DLGAP1: variants seen among roughly 807,000 people sequenced by gnomAD.
DLGAP1 encodes the protein DLG associated protein 1, also known as disks large-associated protein 1.
In DLGAP1, 11 loss-of-function variants were observed where a neutral mutation model predicts 90.8. That is an observed-to-expected ratio of 0.12 (90% CI 0.08 to 0.20). The LOEUF (loss-of-function observed/expected upper bound fraction) is 0.20. DLGAP1 is among the 10% of genes least tolerant of loss of function. The probability of loss-of-function intolerance (pLI) is 1.00; values close to 1 mark genes in which losing one functional copy is unlikely to be tolerated. For synonymous variants in DLGAP1, 558 were observed against 540.7 expected (o/e 1.03, Z -0.44); for missense variants, 1,050 against 1,333.8 (o/e 0.79, Z 3.31).
chr18:3,600,584 G>C (rs2056835986), intron 7 of DLGAP1, among the ~76,000 whole-genome samples: 1 of 150,626 alleles, frequency 6.6e-6, no homozygotes, highest in African/African-American at 2.5e-5. Flanking sequence ...TAAGGGCCCT[G>C]GTAGGGGATT....
At chr18:4,088,069 A>C (rs2075713250) in intron 2 of DLGAP1, among the ~76,000 whole-genome samples, 1 of 142,696 alleles carries the variant, frequency 7.0e-6, no homozygotes, top group African/African-American at 2.6e-5. Context: ...TCTCTTGTTT[A>C]TGTTTCTTAA....
intron 4 of DLGAP1, among the ~76,000 whole-genome samples, chr18:3,855,014 A>C (rs1167462846): frequency 6.6e-6 from 1 of 152,248 alleles, no homozygotes; most frequent in Non-Finnish European, 1.5e-5. Context: ...CAATATTCAC[A>C]ATAGCAAAGT....
At chr18:4,097,070 T>A (rs570914539) in intron 2 of DLGAP1, among the ~76,000 whole-genome samples, 1 of 152,366 alleles carries the variant, frequency 6.6e-6, no homozygotes, top group Admixed American at 6.5e-5. Context: ...GATTAATCTT[T>A]CTGCAGCACA....
In DLGAP1 at chr18:4,440,032, C is replaced by T. The variant is rs557586140; in HGVS notation, c.-267+14974G>A. 4.1e-5 allele frequency among the ~76,000 whole-genome samples: 6 copies of T among 144,584 alleles called. No individual in the cohort carries two copies. In the South Asian group the frequency reaches 1.3e-3, roughly 32 times the overall value. 94.9% of individuals were successfully genotyped at this position (144,584 alleles called of 152,430 possible). A position where few individuals can be genotyped will look rare whatever the true frequency, so the allele number is the denominator to read the frequency against. On this transcript the variant is annotated intron_variant, in intron 1 of 12. Coordinates refer to ENST00000315677, the MANE Select transcript of DLGAP1 (RefSeq NM_004746.4). ...CTACTCGGGAGGCTGAGGCAGGAGACTGGCGTGAACCCGGGAGGCAGAGCT... is the reference window on the plus strand; with the variant it reads ...CTACTCGGGAGGCTGAGGCAGGAGATTGGCGTGAACCCGGGAGGCAGAGCT...
chr18:4,078,208 T>C (rs1188102286), intron 2 of DLGAP1, among the ~76,000 whole-genome samples: 1 of 152,218 alleles, frequency 6.6e-6, no homozygotes, highest in Admixed American at 6.5e-5. Flanking sequence ...AGAAAGATTA[T>C]TCTGTACAAC....
chr18:3,937,720 G>A (rs1488652314), intron 3 of DLGAP1, among the ~76,000 whole-genome samples: 1 of 152,154 alleles, frequency 6.6e-6, no homozygotes, highest in East Asian at 1.9e-4. Context: ...AGCTTATGCT[G>A]TTTCCTTATA....
chr18:3,820,613 T>C lies in DLGAP1; in HGVS notation c.958-6340A>G, dbSNP rs150857804. On this transcript the variant is annotated intron_variant, in intron 4 of 12. Transcript: ENST00000315677. ...CTTGGCAGTGACTTAGGGATCAACCTGTTTGACTTTCCTGTGCTTGAAAAG... is the reference window on the plus strand; with the variant it reads ...CTTGGCAGTGACTTAGGGATCAACCCGTTTGACTTTCCTGTGCTTGAAAAG... Among the ~76,000 whole-genome samples the C allele has an allele frequency of 9.8e-4, 150 of 152,314 alleles. 1 individual carries two copies. The highest frequency in any genetic ancestry group is 3.3e-3 in the African/African-American group (139 of 41,572).
intron 3 of DLGAP1, among the ~76,000 whole-genome samples, chr18:3,989,482 C>T (rs899214961): frequency 6.6e-6 from 1 of 152,186 alleles, no homozygotes; most frequent in African/African-American, 2.4e-5. Context: ...TATGATAACT[C>T]GTCAGGGATG....
chr18:4,237,374 A>C (rs569008571), intron 1 of DLGAP1, among the ~76,000 whole-genome samples: 1 of 152,242 alleles, frequency 6.6e-6, no homozygotes, highest in South Asian at 2.1e-4. Context: ...GATAAGTCCT[A>C]GAAGCTAACG....
At chr18:4,195,516 G>C (rs891140976) in intron 1 of DLGAP1, among the ~76,000 whole-genome samples, 4 of 151,984 alleles carry the variant, frequency 2.6e-5, no homozygotes, top group African/African-American at 9.7e-5. Flanking sequence ...TTCAACTATC[G>C]GGTGTTATTG....
At chr18:3,831,910 C>A (rs1214203012) in intron 4 of DLGAP1, among the ~76,000 whole-genome samples, 1 of 152,124 alleles carries the variant, frequency 6.6e-6, no homozygotes, top group African/African-American at 2.4e-5. Context: ...TTGTGTCAAG[C>A]CTGTGCCAGG....
At chr18:4,161,209 C>G (rs1397864394) in intron 1 of DLGAP1, among the ~76,000 whole-genome samples, 1 of 152,044 alleles carries the variant, frequency 6.6e-6, no homozygotes, top group Non-Finnish European at 1.5e-5. Context: ...TATCCATTAG[C>G]TATTCTTCCT....
chr18:4,092,580 T>G (rs1430164239), intron 2 of DLGAP1, among the ~76,000 whole-genome samples: 4 of 152,188 alleles, frequency 2.6e-5, no homozygotes, highest in African/African-American at 9.6e-5. Flanking sequence ...TTTTTTTTCC[T>G]TGTATTCTTT....
In DLGAP1 at chr18:4,334,168, G is replaced by A. The variant is rs866950518; in HGVS notation, c.-267+120838C>T. Among the ~76,000 whole-genome samples the A allele has an allele frequency of 4.2e-4, 63 of 151,694 alleles. 4 individuals carry two copies. The highest frequency in any genetic ancestry group is 1.5e-3 in the African/African-American group (63 of 41,120). On this transcript the variant is annotated intron_variant, in intron 1 of 12. Coordinates refer to ENST00000315677, the MANE Select transcript of DLGAP1 (RefSeq NM_004746.4). ...CAGGAGACTTGCTTGAACCCGGGAG[G>A]CAGAGGTTGTGGTGAGCCGAGATCG...
chr18:3,737,940 A>C (rs1206627466), intron 6 of DLGAP1, among the ~76,000 whole-genome samples: 5 of 150,534 alleles, frequency 3.3e-5, no homozygotes, highest in Non-Finnish European at 7.4e-5. Flanking sequence ...AGGATACAAA[A>C]TCAATGTACA....
chr18:4,117,889 C>T (rs2076087847), intron 2 of DLGAP1, among the ~76,000 whole-genome samples: 1 of 152,262 alleles, frequency 6.6e-6, no homozygotes, highest in South Asian at 2.1e-4. Context: ...GAGGCTTCTG[C>T]CCTTTGTGGA....
intron 7 of DLGAP1, among the ~76,000 whole-genome samples, chr18:3,720,516 C>A (rs1480716582): frequency 6.6e-6 from 1 of 152,160 alleles, no homozygotes; most frequent in East Asian, 1.9e-4. Flanking sequence ...GAAAACTTGA[C>A]AGAAAGTCAG....
chr18:4,395,052 C>T (rs533643160), intron 1 of DLGAP1, among the ~76,000 whole-genome samples: 8 of 152,292 alleles, frequency 5.3e-5, no homozygotes, highest in Admixed American at 1.3e-4. Context: ...AAAAATTACC[C>T]GGACATTTCA....
chr18:3,718,681 T>C (rs958744041), intron 7 of DLGAP1, among the ~76,000 whole-genome samples: 2 of 150,172 alleles, frequency 1.3e-5, no homozygotes, highest in Non-Finnish European at 3.0e-5. Flanking sequence ...ATCCCAGCAC[T>C]TTGGGGGGTC....
Sources: allele counts gnomAD v4.1 joint callset (sites outside exome capture counted in the v4.1 genomes callset), GRCh38; gene constraint gnomAD v4.1.1; transcripts MANE v1.5; gene names NCBI Gene and HGNC (gene_info 2026-07-23, HGNC 2026-07-21).